The following RPL3L variants were observed in gnomAD, a reference collection of about 807,000 sequenced individuals.
RPL3L encodes ribosomal protein L3 like.
A neutral mutation model predicts 44.5 loss-of-function variants in RPL3L; 44 were observed. The observed-to-expected ratio is 0.99, with a 90% CI of 0.78 to 1.27. The LOEUF (loss-of-function observed/expected upper bound fraction) is 1.27. Ranked by LOEUF, RPL3L falls within the 50% of genes most tolerant of loss-of-function variation. RPL3L has a pLI of 0.00. For synonymous variants in RPL3L, 292 were observed against 230.7 expected (o/e 1.27, Z -2.41); for missense variants, 631 against 569.1 (o/e 1.11, Z -1.11).
At chr16:1,947,938 ATTTTTT>A (rs1158555053) in intron 4 of RPL3L, among the ~76,000 whole-genome samples, 35 of 109,980 alleles carry the variant, frequency 3.2e-4, no homozygotes, top group African/African-American at 9.9e-4. Flanking sequence ...ATCTGATTGG[ATTTTTT>A]TTTTTTTTTT....
rs182876465 is a variant in RPL3L, at chr16:1,950,706, C to T, written c.501+138G>A. 879 of 1,377,456 alleles carry T rather than the reference C, an allele frequency of 6.4e-4. 1 individual carries two copies. Among genetic ancestry groups the T allele is most frequent in the Non-Finnish European group, 8.1e-4 (806 of 1,000,628 alleles). 85.3% of individuals were successfully genotyped at this position (1,377,456 alleles called of 1,614,324 possible). On this transcript the variant is annotated intron_variant, in intron 4 of 9. Coordinates refer to ENST00000268661, the MANE Select transcript of RPL3L (RefSeq NM_005061.3). ...CATGCCTGGGGCTGCACGTGGCCAG[C>T]GAGGCTGGTCAGCCGCTCCTCTGGG...
intron 3 of RPL3L, among the ~76,000 whole-genome samples, chr16:1,952,532 A>G (rs2083177515): frequency 6.6e-6 from 1 of 150,922 alleles, no homozygotes; most frequent in Non-Finnish European, 1.5e-5. Context: ...GCACCACCCC[A>G]GCCAGCTAAT....
At chr16:1,953,439 G>A (rs987070484) in intron 2 of RPL3L, among the ~76,000 whole-genome samples, 6 of 152,024 alleles carry the variant, frequency 3.9e-5, no homozygotes, top group Non-Finnish European at 7.4e-5. Flanking sequence ...AGGTTGGTCT[G>A]CAACTCCTGG....
In RPL3L at chr16:1,947,047, C is replaced by T. The variant is rs764139595; in HGVS notation, c.740G>A (p.Gly247Asp). ...GCCAATGCAGGCCACCTTGCGCAGG[C>T]CCTTATGGGTCTTCCGCGGCAGCTT... Reference protein sequence around the residue: ...TKKLPRKTHKGLRKVACIGAW... With the variant: ...TKKLPRKTHKDLRKVACIGAW... The change falls in exon 6 of 10, where the codon GGC becomes GAC. Residue 247 changes from glycine to aspartate, a missense_variant. Physicochemically the swap from Gly to Asp is moderately conservative, Grantham distance 94 (BLOSUM62 -1). Transcript: ENST00000268661. The T allele has an allele frequency of 6.2e-7, 1 of 1,613,338 alleles. No individual in the cohort carries two copies. Among genetic ancestry groups the T allele is most frequent in the Non-Finnish European group, 8.5e-7 (1 of 1,179,956 alleles).
At chr16:1,950,035 G>T (rs1422813542) in intron 4 of RPL3L, among the ~76,000 whole-genome samples, 2 of 132,448 alleles carry the variant, frequency 1.5e-5, no homozygotes, top group South Asian at 5.0e-4. Flanking sequence ...AGGTATGGAC[G>T]GGGCAGGTAT....
At chr16:1,952,796 G>T in intron 3 of RPL3L, 78 bp downstream of exon 3, 1 of 1,536,268 alleles carries the variant, frequency 6.5e-7, no homozygotes, top group Non-Finnish European at 8.8e-7. Flanking sequence ...TATCATTTCA[G>T]CAAGAGCTAG....
rs2083106657 is a variant in RPL3L at position 1,944,654 on chromosome 16, ACT to A, written c.*181_*182del. Reference sequence around the variant, plus strand: ...CCGCACAGCCAGCTCTGTGTGAATTACTCTTTCTCTATTGCAATTCCCCTGTC... The same window carrying A: ...CCGCACAGCCAGCTCTGTGTGAATTACTTTCTCTATTGCAATTCCCCTGTC... On this transcript the variant is annotated 3_prime_UTR_variant, in exon 10 of 10. Coordinates refer to ENST00000268661, the MANE Select transcript of RPL3L (RefSeq NM_005061.3). 4.5e-6 allele frequency: 3 copies of A among 670,082 alleles called. No homozygotes were observed. Among genetic ancestry groups the A allele is most frequent in the Non-Finnish European group, 7.9e-6 (3 of 378,802 alleles). 41.5% of individuals were successfully genotyped at this position (670,082 alleles called of 1,614,324 possible).
intron 2 of RPL3L, 82 bp from the exon 3 acceptor site, chr16:1,953,124 G>A: frequency 6.9e-7 from 1 of 1,449,202 alleles, no homozygotes; most frequent in Non-Finnish European, 9.3e-7. Flanking sequence ...CCCACATAGG[G>A]GCAGGACAGG....
At position 1,950,137 on chromosome 16, in the gene RPL3L, G is replaced by T. The variant is rs1311996673; in HGVS notation, c.501+707C>A. 1.2e-4 allele frequency among the ~76,000 whole-genome samples: 13 copies of T among 105,274 alleles called. 1 individual carries two copies. The highest frequency in any genetic ancestry group is 4.5e-4 in the African/African-American group (12 of 26,524). 69.1% of individuals were successfully genotyped at this position (105,274 alleles called of 152,430 possible). A position where few individuals can be genotyped will look rare whatever the true frequency, so the allele number is the denominator to read the frequency against. ...GGCAGGTATGTAGGGGGCAGGTATG[G>T]ACAGGGCAGGTATGTATGGGGTGGG... On this transcript the variant is annotated intron_variant, in intron 4 of 9. Coordinates refer to ENST00000268661, the MANE Select transcript of RPL3L (RefSeq NM_005061.3).
In RPL3L at chr16:1,946,700, G is replaced by T. The variant is rs1281421507; in HGVS notation, c.876C>A (p.His292Gln). 1.2e-6 allele frequency: 2 copies of T among 1,612,722 alleles called. No individual in the cohort carries two copies. The highest frequency in any genetic ancestry group is 1.7e-5 in the Admixed American group (1 of 60,026). The change falls in exon 7 of 10, where the codon CAC (histidine) becomes CAA (glutamine). Residue 292 changes from histidine (H) to glutamine (Q), a missense_variant. Physicochemically the swap from His to Gln is conservative, Grantham distance 24. Transcript: ENST00000268661. ...TCTTCACCAGCTTCCCGTCCTCCAT[G>T]TGCGGGCCCCTGCCGATGCGGAAGA... ...KKIFRIGRGP[H>Q]MEDGKLVKNN...
chr16:1,953,586 G>A (rs1459104802), intron 2 of RPL3L, among the ~76,000 whole-genome samples: 1 of 152,176 alleles, frequency 6.6e-6, no homozygotes, highest in Admixed American at 6.5e-5. Flanking sequence ...ATATACATAG[G>A]CGTACATATG....
In RPL3L at chr16:1,954,053, C is replaced by A. The variant is rs1005258865; in HGVS notation, c.99G>T (p.Pro33=). ...GCACGGGCTGGCTGGGGTCATCCCG[C>A]GGCCACGTCTTCACCTTGCCCCGGT... ...HRHRGKVKTW[P]RDDPSQPVHL... is the part of the protein sequence containing the mutation. Residue 33 remains proline (P), a synonymous_variant, in exon 2 of 10, where the codon CCG becomes CCT. Coordinates refer to ENST00000268661, the MANE Select transcript of RPL3L (RefSeq NM_005061.3). The A allele has an allele frequency of 6.2e-7, 1 of 1,607,064 alleles. No individual in the cohort carries two copies.
Position 1,947,233 on chromosome 16 carries a change from T to C in RPL3L, c.649A>G (p.Ile217Val). Reference protein sequence around the residue: ...VHSVFSQSEVIDVIAVTKGRG... With the variant: ...VHSVFSQSEVVDVIAVTKGRG... The stretch of plus-strand genomic sequence containing the variant: ...CCCTTGGTGACAGCAATGACATCAA[T>C]GACCTCACTCTGGCTGAACACGCTG... The change falls in exon 5 of 10, where the codon ATT becomes GTT. Residue 217 changes from isoleucine to valine, a missense_variant. Ile to Val is a conservative substitution (Grantham distance 29, BLOSUM62 3). Coordinates refer to ENST00000268661, the MANE Select transcript of RPL3L (RefSeq NM_005061.3). 6.2e-7 allele frequency: 1 copy of C among 1,613,478 alleles called. No homozygotes were observed. Among genetic ancestry groups the C allele is most frequent in the Non-Finnish European group, 8.5e-7 (1 of 1,179,644 alleles).
chr16:1,949,009 CTTT>C (rs34900670), intron 4 of RPL3L, among the ~76,000 whole-genome samples: 1 of 124,622 alleles, frequency 8.0e-6, no homozygotes, highest in Admixed American at 8.0e-5. Context: ...CCGCGCCTGG[CTTT>C]TTTTTTTTTT....
intron 2 of RPL3L, 148 bp from the exon 3 acceptor site, chr16:1,953,190 G>C: frequency 1.3e-6 from 1 of 741,554 alleles, no homozygotes; most frequent in Non-Finnish European, 2.1e-6. Context: ...GAGCCCAAAT[G>C]AGCATTTGTT....
chr16:1,953,894 G>C, intron 2 of RPL3L, 62 bp downstream of exon 2: 1 of 1,405,628 alleles, frequency 7.1e-7, no homozygotes, highest in Non-Finnish European at 9.3e-7. Flanking sequence ...CGTGAGTTCT[G>C]GCTCCGAGCA....
At position 1,945,491 on chromosome 16, in the gene RPL3L, G is replaced by C. The variant is rs867805047; in HGVS notation, c.1167+8C>G. ...AGAGAAGAACAAGGATGGGGGCGGT[G>C]AGCTCACCATGAAGGCCCTCTTCTC... On this transcript the variant is annotated splice_region_variant and intron_variant, in intron 9 of 9. Transcript: ENST00000268661. 3.7e-6 allele frequency: 6 copies of C among 1,607,468 alleles called. No individual in the cohort carries two copies. The Middle Eastern group carries it at 5.0e-4, about 135-fold the overall frequency.
chr16:1,946,835 G>T (rs1159203128), intron 6 of RPL3L, 103 bp downstream of exon 6: 14 of 1,562,596 alleles, frequency 9.0e-6, no homozygotes, highest in Non-Finnish European at 1.2e-5. Flanking sequence ...GGGGCATCTT[G>T]TGTCCCCGGC....
Position 1,951,753 on chromosome 16 carries a change from T to C in RPL3L, c.366-774A>G, listed in dbSNP as rs1019551776. On this transcript the variant is annotated intron_variant, in intron 3 of 9. Transcript: ENST00000268661. ...TTATTATTATTATTATTATTATTAT[T>C]ATTATTATTATTATTATTCCCATTC... Among the ~76,000 whole-genome samples, 7 of 147,796 alleles carry C rather than the reference T, an allele frequency of 4.7e-5. No homozygotes were observed. The South Asian group carries it at 1.5e-3, about 31-fold the overall frequency.
Sources: gnomAD v4.1 joint callset for allele counts (sites outside exome capture counted in the v4.1 genomes callset) on GRCh38, gnomAD v4.1.1 for gene constraint, MANE v1.5 for transcripts, NCBI Gene and HGNC (gene_info 2026-07-23, HGNC 2026-07-21) for gene names.